GRIP1: variants seen among roughly 807,000 people sequenced by gnomAD.
GRIP1 encodes glutamate receptor interacting protein 1.
A neutral mutation model predicts 129.9 loss-of-function variants in GRIP1; 45 were observed. That is an observed-to-expected ratio of 0.35 (90% confidence interval 0.27 to 0.44). The LOEUF is 0.44. GRIP1 is among the 20% of genes least tolerant of loss of function. The probability of loss-of-function intolerance (pLI) is 1.00; values close to 1 mark genes in which losing one functional copy is unlikely to be tolerated. For synonymous variants in GRIP1, 530 were observed against 520.8 expected (o/e 1.02, Z -0.24); for missense variants, 1,196 against 1,396.8 (o/e 0.86, Z 2.29).
At chr12:66,955,210 G>C (rs2041820746) in intron 1 of GRIP1, among the ~76,000 whole-genome samples, 1 of 152,156 alleles carries the variant, frequency 6.6e-6, no homozygotes, top group African/African-American at 2.4e-5. Flanking sequence ...TTGAGGGCTT[G>C]TTAAAACACA....
chr12:66,562,566 C>T (rs1380870137), intron 2 of GRIP1, among the ~76,000 whole-genome samples: 4 of 151,994 alleles, frequency 2.6e-5, no homozygotes, highest in East Asian at 3.9e-4. Context: ...CAGGTGAGAC[C>T]GTAACATTTC....
chr12:66,488,710 A>AACAG (rs1565793058), intron 7 of GRIP1, among the ~76,000 whole-genome samples: 1 of 151,170 alleles, frequency 6.6e-6, no homozygotes, highest in Non-Finnish European at 1.5e-5. Context: ...AAATTAATAA[A>AACAG]ATAGACCACT....
intron 6 of GRIP1, among the ~76,000 whole-genome samples, chr12:66,516,717 C>A (rs149522346): frequency 2.0e-5 from 3 of 152,124 alleles, no homozygotes; most frequent in Admixed American, 1.3e-4. Flanking sequence ...TCACTAGACA[C>A]ATGAGAAGGG....
chr12:66,754,682 G>A (rs887018086), intron 1 of GRIP1, among the ~76,000 whole-genome samples: 4 of 152,138 alleles, frequency 2.6e-5, no homozygotes, highest in African/African-American at 4.8e-5. Flanking sequence ...CCAGAAGTAA[G>A]ACTAACATGG....
intron 1 of GRIP1, among the ~76,000 whole-genome samples, chr12:66,922,376 A>C (rs570926632): frequency 6.6e-6 from 1 of 152,302 alleles, no homozygotes; most frequent in South Asian, 2.1e-4. Flanking sequence ...GTCATCTTAA[A>C]GAGAAATCAG....
At chr12:66,727,384 C>T (rs2036289165) in intron 1 of GRIP1, among the ~76,000 whole-genome samples, 1 of 152,180 alleles carries the variant, frequency 6.6e-6, no homozygotes, top group African/African-American at 2.4e-5. Flanking sequence ...TAAAAGGCAT[C>T]ACATGCTTCT....
At chr12:66,979,336 G>A (rs2042209880) in intron 1 of GRIP1, among the ~76,000 whole-genome samples, 2 of 146,418 alleles carry the variant, frequency 1.4e-5, no homozygotes, top group South Asian at 2.3e-4. Context: ...ACACATTTTG[G>A]CAAGGTGAAA....
intron 1 of GRIP1, among the ~76,000 whole-genome samples, chr12:67,043,717 G>GA (rs1240172246): frequency 2.0e-5 from 3 of 151,684 alleles, no homozygotes; most frequent in Non-Finnish European, 4.4e-5. Flanking sequence ...TTTAAGGCCA[G>GA]AGAAAAACCC....
At chr12:66,538,226 G>A (rs2061665379) in intron 4 of GRIP1, among the ~76,000 whole-genome samples, 1 of 148,700 alleles carries the variant, frequency 6.7e-6, no homozygotes, top group Non-Finnish European at 1.5e-5. Context: ...TTTAAACAGG[G>A]TTTTGCTCTG....
intron 1 of GRIP1, among the ~76,000 whole-genome samples, chr12:66,987,622 G>A (rs1446589454): frequency 6.6e-6 from 1 of 152,168 alleles, no homozygotes. Context: ...CCAACTGCAA[G>A]TATTCCACCC....
At chr12:66,741,632 T>C (rs1427097136) in intron 1 of GRIP1, among the ~76,000 whole-genome samples, 1 of 152,200 alleles carries the variant, frequency 6.6e-6, no homozygotes, top group Non-Finnish European at 1.5e-5. Context: ...ATGCCAAAAA[T>C]TTCCCATTTC....
chr12:66,735,613 G>T (rs1236319870), intron 1 of GRIP1, among the ~76,000 whole-genome samples: 1 of 152,096 alleles, frequency 6.6e-6, no homozygotes, highest in Non-Finnish European at 1.5e-5. Context: ...GTGGCAGCAG[G>T]AGGGGAAAAA....
intron 9 of GRIP1, among the ~76,000 whole-genome samples, chr12:66,459,956 C>G (rs566294794): frequency 6.6e-6 from 1 of 152,146 alleles, no homozygotes; most frequent in Non-Finnish European, 1.5e-5. Flanking sequence ...TAATTGTAGC[C>G]TACTTTCACT....
At chr12:67,049,170 G>A (rs1033664693) in intron 1 of GRIP1, among the ~76,000 whole-genome samples, 5 of 152,112 alleles carry the variant, frequency 3.3e-5, no homozygotes, top group African/African-American at 1.2e-4. Context: ...TATGCATACT[G>A]TTTTGTAATT....
At chr12:67,055,069 G>C (rs1863156290) in intron 1 of GRIP1, among the ~76,000 whole-genome samples, 2 of 152,154 alleles carry the variant, frequency 1.3e-5, no homozygotes, top group South Asian at 4.1e-4. Flanking sequence ...CTAGGTTCAA[G>C]AGAGAATAAC....
At chr12:66,892,770 T>C (rs1383868363) in intron 1 of GRIP1, among the ~76,000 whole-genome samples, 1 of 106,154 alleles carries the variant, frequency 9.4e-6, no homozygotes, top group Non-Finnish European at 1.9e-5. Context: ...GAGGCAAGCC[T>C]AGGCAACATG....
In GRIP1 at chr12:66,998,700, C is replaced by T. The variant is rs150329983; in HGVS notation, c.58+70350G>A. ...AGGAATCTATCTGCATCAGATCAGG[C>T]CCATATTCTGTCTTCTCTCCTTACA... On this transcript the variant is annotated intron_variant, in intron 1 of 1. Coordinates refer to the GRIP1 transcript ENST00000643019. Among the ~76,000 whole-genome samples, 80 of 152,184 alleles carry T rather than the reference C, an allele frequency of 5.3e-4. No individual in the cohort carries two copies. The East Asian group carries it at 9.1e-3, about 17-fold the overall frequency.
At chr12:66,723,242 TCCTTCCTTCCTTC>T (rs2036128949) in intron 1 of GRIP1, among the ~76,000 whole-genome samples, 17 of 57,324 alleles carry the variant, frequency 3.0e-4, no homozygotes, top group African/African-American at 1.5e-3. Context: ...CTCTCTCTCT[TCCTTCCTTCCTTC>T]CTTCCTTCCT....
At chr12:66,385,639 T>A (rs1359234976) in intron 19 of GRIP1, among the ~76,000 whole-genome samples, 5 of 152,064 alleles carry the variant, frequency 3.3e-5, no homozygotes, top group Non-Finnish European at 7.4e-5. Context: ...ACACAGAATC[T>A]CACTCTATCG....
Sources: allele counts gnomAD v4.1 joint callset (sites outside exome capture counted in the v4.1 genomes callset), GRCh38; gene constraint gnomAD v4.1.1; transcripts MANE v1.5; gene names NCBI Gene and HGNC (gene_info 2026-07-23, HGNC 2026-07-21).